CD163: variants seen among roughly 807,000 people sequenced by gnomAD.
CD163 encodes scavenger receptor cysteine-rich type 1 protein M130.
Under a neutral mutation model 129.2 loss-of-function variants are expected in CD163, and 64 were observed. That is an observed-to-expected ratio of 0.50 (90% confidence interval 0.41 to 0.61). The LOEUF (loss-of-function observed/expected upper bound fraction) is 0.61, where lower values mean the gene tolerates loss of function less well. Ranked by LOEUF, CD163 falls within the 20% of genes least tolerant of loss-of-function variation. The pLI is 0.00. For synonymous variants in CD163, 446 were observed against 478.5 expected, an observed-to-expected ratio of 0.93 and a Z score of 0.89; for missense variants, 1,061 against 1,377.9, an observed-to-expected ratio of 0.77 and a Z score of 3.64.
chr12:7,483,381 G>A lies in CD163; in HGVS notation c.3074C>T (p.Ala1025Val). ...CTGGCACTTACCTGTGCAATTCACTGCAGCGTCTTCCTTGTGCCCACACTC... is the reference window on the plus strand; with the variant it reads ...CTGGCACTTACCTGTGCAATTCACTACAGCGTCTTCCTTGTGCCCACACTC... Reference protein sequence around the residue: ...HSECGHKEDAAVNCTDISVQK... With the variant: ...HSECGHKEDAVVNCTDISVQK... Residue 1025 changes from alanine to valine, a missense_variant, in exon 12 of 17, where the codon GCA (alanine) becomes GTA (valine). Transcript: ENST00000432237. 6.2e-7 allele frequency: 1 copy of A among 1,612,986 alleles called. No homozygotes were observed. Among genetic ancestry groups the A allele is most frequent in the Non-Finnish European group, 8.5e-7 (1 of 1,179,586 alleles).
rs1296047216 is a variant in CD163, at chr12:7,483,127, A to C, written c.3089-123T>G. 8 of 1,008,302 alleles carry C rather than the reference A, an allele frequency of 7.9e-6. No homozygotes were observed. In the East Asian group the frequency reaches 1.4e-4, roughly 18 times the overall value. The allele number at this position is 1,008,302 out of a possible 1,614,324, so 62.5% of individuals were successfully genotyped here. On this transcript the variant is annotated intron_variant, in intron 12 of 16. Transcript: ENST00000432237. The stretch of plus-strand genomic sequence containing the variant: ...AGTATATGACTCTTTCCCACCTAAA[A>C]CTAGAGTCCTCTAGTCTTTCTTTCT...
At chr12:7,503,528 C>T in intron 1 of CD163, 117 bp downstream of exon 1, 1 of 618,364 alleles carries the variant, frequency 1.6e-6, no homozygotes, top group Non-Finnish European at 2.8e-6. Context: ...AAGCCTATGT[C>T]CTTTTTCCAC....
chr12:7,478,963 G>A (rs1475895505), intron 16 of CD163, among the ~76,000 whole-genome samples: 2 of 151,830 alleles, frequency 1.3e-5, no homozygotes, highest in African/African-American at 2.4e-5. Context: ...TTAACTATAC[G>A]TCTTGTTCAC....
rs1356220312 is a variant in CD163 at position 7,487,062 on chromosome 12, T to C, written c.2051-76A>G. On this transcript the variant is annotated intron_variant, in intron 8 of 16. Coordinates refer to ENST00000432237, the MANE Select transcript of CD163 (RefSeq NM_203416.4). This position sits in a 1 kb window ranked among gnomAD's most constrained non-coding sequence, Gnocchi z 5.1. ...TCAGATGAAATGTTATATGGATGAG[T>C]TGAGGACAAACATAGCTTAGAGAGA... 19 of 1,142,664 alleles carry C rather than the reference T, an allele frequency of 1.7e-5. 1 individual carries two copies. The highest frequency in any genetic ancestry group is 2.7e-5 in the South Asian group (2 of 73,908). 70.8% of individuals were successfully genotyped at this position (1,142,664 alleles called of 1,614,324 possible).
At chr12:7,495,010 T>G (rs1949380406) in intron 6 of CD163, 71 bp downstream of exon 6, 1 of 1,186,190 alleles carries the variant, frequency 8.4e-7, no homozygotes, top group Non-Finnish European at 1.2e-6. Context: ...GGACCAATGT[T>G]TCTTTTCAAT....
rs1026058465 is a variant in CD163, at chr12:7,496,551, C to A, written c.1099+262G>T. On this transcript the variant is annotated intron_variant, in intron 5 of 16. Coordinates refer to ENST00000432237, the MANE Select transcript of CD163 (RefSeq NM_203416.4). The surrounding 1 kb of genome is among the most constrained non-coding windows in gnomAD (Gnocchi z 4.8). ...TCCTAGGAAATTTTGTCTCTCTGAG[C>A]TCCAGGTAGATTCTGAGTTTGAAGT... Among the ~76,000 whole-genome samples, 2 of 152,160 alleles carry A rather than the reference C, an allele frequency of 1.3e-5. No individual in the cohort carries two copies. Among genetic ancestry groups the A allele is most frequent in the Admixed American group, 6.5e-5 (1 of 15,282 alleles).
chr12:7,501,021 T>G, intron 3 of CD163, 118 bp downstream of exon 3: 1 of 843,118 alleles, frequency 1.2e-6, no homozygotes, highest in Non-Finnish European at 1.9e-6. Context: ...GATGGAGTAC[T>G]TTTATACATG....
Position 7,498,971 on chromosome 12 carries a change from A to G in CD163, c.675T>C (p.Asp225=). 1.2e-6 allele frequency: 2 copies of G among 1,614,124 alleles called. No individual in the cohort carries two copies. Among genetic ancestry groups the G allele is most frequent in the South Asian group, 2.2e-5 (2 of 91,082 alleles). ...CTGACTCATTTCCGTTGCATATAAG[A>G]TCATCAAACCAGATTGGTCCAGAGC... is the stretch of plus-strand genomic sequence containing the variant. ...GEGSGPIWFD[D]LICNGNESAL... is the part of the protein sequence containing the mutation. Residue 225 remains aspartate, a synonymous_variant, in exon 4 of 17, where the codon GAT becomes GAC. Coordinates refer to ENST00000432237, the MANE Select transcript of CD163 (RefSeq NM_203416.4).
chr12:7,486,312 A>C (rs1046875974), intron 10 of CD163, among the ~76,000 whole-genome samples, 187 bp downstream of exon 10: 1 of 152,118 alleles, frequency 6.6e-6, no homozygotes, highest in East Asian at 1.9e-4. Flanking sequence ...TTCTCTTTAC[A>C]ATGTTGCACT....
At position 7,482,692 on chromosome 12, in the gene CD163, G is replaced by C. The variant is rs746056241; in HGVS notation, c.3198C>G (p.Val1066=). The part of the protein sequence containing the change: ...ILGVVLLAIF[V]ALFFLTKKRR... ...GCTTTTTAGTCAAGAAGAATAATGC[G>C]ACGAAAATGGCCAACAGAACAACCC... Residue 1066 remains valine, a synonymous_variant, in exon 14 of 17, where the codon GTC becomes GTG. Transcript: ENST00000432237. The C allele has an allele frequency of 6.2e-7, 1 of 1,614,084 alleles. No homozygotes were observed. The highest frequency in any genetic ancestry group is 8.5e-7 in the Non-Finnish European group (1 of 1,179,986).
At chr12:7,481,298 T>C (rs1376048109) in intron 14 of CD163, 42 bp from the exon 15 acceptor site, 7 of 1,501,988 alleles carry the variant, frequency 4.7e-6, no homozygotes, top group Non-Finnish European at 6.5e-6. Flanking sequence ...GCTATCATAA[T>C]AAAATTTCCC....
chr12:7,499,181 G>GCT lies in CD163; in HGVS notation c.464_465insAG (p.Asn156AlafsTer5). On this transcript the variant is annotated frameshift_variant, in exon 4 of 17. Coordinates refer to ENST00000432237, the MANE Select transcript of CD163 (RefSeq NM_203416.4). LOFTEE classifies it high-confidence loss of function. ...CACGCGTCAGCCTCATTTCCAAATT[G>GCT]GATCCATCTGGAGCAGAGAAAAGAC... is the stretch of plus-strand genomic sequence containing the variant. 1 of 1,609,284 alleles carries GCT rather than the reference G, an allele frequency of 6.2e-7. No homozygotes were observed. Among genetic ancestry groups the GCT allele is most frequent in the Non-Finnish European group, 8.5e-7 (1 of 1,178,554 alleles).
rs753913649 is a variant in CD163 at position 7,501,383 on chromosome 12, C to A, written c.213G>T (p.Glu71Asp). 1.2e-6 allele frequency: 2 copies of A among 1,614,106 alleles called. No individual in the cohort carries two copies. The highest frequency in any genetic ancestry group is 2.2e-5 in the South Asian group (2 of 91,086). Residue 71 changes from glutamate (E) to aspartate (D), a missense_variant, in exon 3 of 17, where the codon GAG becomes GAT. Glu to Asp is a conservative substitution (Grantham distance 45, BLOSUM62 2). Coordinates refer to ENST00000432237, the MANE Select transcript of CD163 (RefSeq NM_203416.4). Reference sequence around the variant, plus strand: ...AGCCATTATTACACACCGTTCCCCACTCCTCCTGGACTTTCACTTCCACTC... The same window carrying A: ...AGCCATTATTACACACCGTTCCCCAATCCTCCTGGACTTTCACTTCCACTC... The part of the protein sequence containing the change: ...SGRVEVKVQE[E>D]WGTVCNNGWS...
chr12:7,480,288 G>A (rs1949144413), intron 15 of CD163: 1 of 239,750 alleles, frequency 4.2e-6, no homozygotes, highest in Non-Finnish European at 7.9e-6. Flanking sequence ...AAGACAATGG[G>A]TTTTGGGATA....
At position 7,487,657 on chromosome 12, in the gene CD163, G is replaced by A. The variant is rs1405264700; in HGVS notation, c.1752C>T (p.Arg584=). ...CACACGGGGTCTTGCCATTCACCAA[G>A]CGAATTTCTGTGTATCCTGGAAGGA... The part of the protein sequence containing the change: ...GVVCSRYTEI[R]LVNGKTPCEG... Residue 584 remains arginine, a synonymous_variant, in exon 8 of 17, where the codon CGC becomes CGT. Transcript: ENST00000432237. The surrounding 1 kb of genome is among the most constrained non-coding windows in gnomAD (Gnocchi z 5.1). 6.2e-7 allele frequency: 1 copy of A among 1,614,028 alleles called. No individual in the cohort carries two copies. Among genetic ancestry groups the A allele is most frequent in the East Asian group, 2.2e-5 (1 of 44,898 alleles).
rs752034439 is a variant in CD163, at chr12:7,501,345, G to A, written c.251C>T (p.Ala84Val). ...TVCNNGWSME[A>V]VSVICNQLGC... Reference sequence around the variant, plus strand: ...CAGCTGGTTACAAATCACAGAGACCGCTTCCATGCTCCAGCCATTATTACA... The same window carrying A: ...CAGCTGGTTACAAATCACAGAGACCACTTCCATGCTCCAGCCATTATTACA... Residue 84 changes from alanine to valine, a missense_variant, in exon 3 of 17, where the codon GCG (alanine) becomes GTG (valine). Ala to Val is a moderately conservative substitution (Grantham distance 64). Coordinates refer to ENST00000432237, the MANE Select transcript of CD163 (RefSeq NM_203416.4). 39 of 1,613,918 alleles carry A rather than the reference G, an allele frequency of 2.4e-5. No homozygotes were observed. In the Middle Eastern group the frequency reaches 8.2e-4, roughly 34 times the overall value.
chr12:7,483,825 G>GTATATATATATATATATATA (rs746624782), intron 11 of CD163, 150 bp from the exon 12 acceptor site: 5 of 68,414 alleles, frequency 7.3e-5, no homozygotes, highest in Admixed American at 2.0e-4. Flanking sequence ...ATATATATAT[G>GTATATATATATATATATATA]TATATATATA....
At position 7,503,737 on chromosome 12, in the gene CD163, T is replaced by A. The variant is rs138382521; in HGVS notation, c.-47A>T. ...TGATTCCTAAATCTTCTTGTATTAT[T>A]CCCTAGAAATGTTCTTCTAAAGAAA... On this transcript the variant is annotated 5_prime_UTR_variant, in exon 1 of 17. Coordinates refer to ENST00000432237, the MANE Select transcript of CD163 (RefSeq NM_203416.4). 3.9e-4 allele frequency: 459 copies of A among 1,173,220 alleles called. No individual in the cohort carries two copies. In the African/African-American group the frequency reaches 6.1e-3, roughly 16 times the overall value. The allele number at this position is 1,173,220 out of a possible 1,614,324, so 72.7% of individuals were successfully genotyped here. A position where few individuals can be genotyped will look rare whatever the true frequency, so the allele number is the denominator to read the frequency against.
chr12:7,481,890 T>C (rs1591995692), intron 14 of CD163, among the ~76,000 whole-genome samples: 1 of 152,268 alleles, frequency 6.6e-6, no homozygotes, highest in South Asian at 2.1e-4. Flanking sequence ...TCTAGACTTG[T>C]ACATATTCTT....
Sources: allele counts gnomAD v4.1 joint callset (sites outside exome capture counted in the v4.1 genomes callset), GRCh38; gene constraint gnomAD v4.1.1; non-coding constraint Gnocchi (gnomAD v3.1); transcripts MANE v1.5; gene names NCBI Gene and HGNC (gene_info 2026-07-23, HGNC 2026-07-21).